TMEM192: variants seen among roughly 807,000 people sequenced by gnomAD.
TMEM192 encodes the protein transmembrane protein 192.
Under a neutral mutation model 26.7 loss-of-function variants are expected in TMEM192, and 20 were observed. The ratio of observed to expected loss-of-function variants is 0.75; its 90% CI spans 0.53 to 1.09. The LOEUF (loss-of-function observed/expected upper bound fraction) is 1.09. TMEM192 is among the 50% of genes least tolerant of loss of function. The pLI, the probability that TMEM192 is intolerant of heterozygous loss-of-function variation, is 0.00. For synonymous variants in TMEM192, 124 were observed against 121.0 expected, an observed-to-expected ratio of 1.02 and a Z score of -0.16; for missense variants, 304 against 322.6, an observed-to-expected ratio of 0.94 and a Z score of 0.44.
intron 3 of TMEM192, among the ~76,000 whole-genome samples, chr4:165,098,390 G>A (rs1734963399): frequency 6.6e-6 from 1 of 151,894 alleles, no homozygotes; most frequent in African/African-American, 2.4e-5. Context: ...CTCCCAAAGT[G>A]CTGGGATTAT....
chr4:165,103,645 A>G (rs890201823), intron 1 of TMEM192, among the ~76,000 whole-genome samples: 6 of 148,718 alleles, frequency 4.0e-5, no homozygotes, highest in African/African-American at 9.8e-5. Context: ...CTCCTGGGGT[A>G]GCTGGGATTA....
At chr4:165,106,463 G>A (rs901350702) in intron 1 of TMEM192, among the ~76,000 whole-genome samples, 22 of 152,196 alleles carry the variant, frequency 1.4e-4, no homozygotes, top group African/African-American at 4.8e-4. Flanking sequence ...TCGTCTGTGA[G>A]GAGCCAAACA....
chr4:165,106,433 G>A (rs1735159790), intron 1 of TMEM192, among the ~76,000 whole-genome samples: 1 of 152,150 alleles, frequency 6.6e-6, no homozygotes, highest in Admixed American at 6.6e-5. Context: ...AATATTAAGT[G>A]TCAAATGGAT....
chr4:165,090,692 G>T (rs1039271769), intron 3 of TMEM192, among the ~76,000 whole-genome samples: 5 of 151,572 alleles, frequency 3.3e-5, no homozygotes, highest in African/African-American at 7.3e-5. Flanking sequence ...ATCACTTGAG[G>T]TCAGGAGTTC....
intron 3 of TMEM192, among the ~76,000 whole-genome samples, chr4:165,093,830 C>A (rs1350752494): frequency 2.0e-5 from 3 of 152,196 alleles, no homozygotes; most frequent in African/African-American, 7.2e-5. Flanking sequence ...TCAAGCAATT[C>A]TTGGCCTCCC....
intron 4 of TMEM192, among the ~76,000 whole-genome samples, chr4:165,087,514 G>T (rs371311478): frequency 6.6e-6 from 1 of 152,186 alleles, no homozygotes; most frequent in Non-Finnish European, 1.5e-5. Flanking sequence ...ATGCAGGCTG[G>T]TATTGTTAAC....
In TMEM192 at chr4:165,102,930, C is replaced by T; in HGVS notation, c.174+20G>A. The T allele has an allele frequency of 6.2e-7, 1 of 1,603,220 alleles. No homozygotes were observed. The highest frequency in any genetic ancestry group is 8.5e-7 in the Non-Finnish European group (1 of 1,174,538). ...ACAAACATCACCTCTGGATAGGTCC[C>T]CTTCTTGCAGCCAACTTACATGAAT... On this transcript the variant is annotated intron_variant, in intron 2 of 5. Coordinates refer to ENST00000306480, the MANE Select transcript of TMEM192 (RefSeq NM_001100389.2).
chr4:165,080,615 T>A (rs1734498079), intron 5 of TMEM192, among the ~76,000 whole-genome samples: 1 of 152,156 alleles, frequency 6.6e-6, no homozygotes, highest in Non-Finnish European at 1.5e-5. Context: ...AAATATCACA[T>A]GGGAATGGTC....
rs1331508482 is a variant in TMEM192, at chr4:165,100,633, G to T, written c.434C>A (p.Ser145Tyr). ...TGAGAGAAAATTGGACATACCAGAG[G>T]ACTGTATCATCAACGCAAGTCTCTT... Reference protein sequence around the residue: ...HLKRLALMIQSSGNTVLLLIL... With the variant: ...HLKRLALMIQYSGNTVLLLIL... The change falls in exon 3 of 6, where the codon TCC becomes TAC. Residue 145 changes from serine to tyrosine, a missense_variant. Physicochemically the swap from Ser to Tyr is moderately radical, Grantham distance 144. Coordinates refer to ENST00000306480, the MANE Select transcript of TMEM192 (RefSeq NM_001100389.2). 1 of 1,614,088 alleles carries T rather than the reference G, an allele frequency of 6.2e-7. No homozygotes were observed. Among genetic ancestry groups the T allele is most frequent in the Admixed American group, 1.7e-5 (1 of 60,012 alleles).
rs549253343 is a variant in TMEM192 at position 165,090,702 on chromosome 4, C to T, written c.440-2100G>A. On this transcript the variant is annotated intron_variant, in intron 3 of 5. Transcript: ENST00000306480. ...GGTGGATCACTTGAGGTCAGGAGTT[C>T]GAGAGCAGCATGGCCAAGATGGCGA... Among the ~76,000 whole-genome samples the T allele has an allele frequency of 4.0e-4, 60 of 151,502 alleles. No individual in the cohort carries two copies. The South Asian group carries it at 6.3e-3, about 16-fold the overall frequency.
rs1734385847 is a variant in TMEM192, at chr4:165,076,519, T to C, written c.*3139A>G. On this transcript the variant is annotated 3_prime_UTR_variant, in exon 6 of 6. Coordinates refer to ENST00000306480, the MANE Select transcript of TMEM192 (RefSeq NM_001100389.2). The stretch of plus-strand genomic sequence containing the variant: ...TATACACAGTGCTTGTGATATTTTG[T>C]AGCTATTTGCCTTCCTACTTTACTC... 1.3e-5 allele frequency: 2 copies of C among 152,272 alleles called. No homozygotes were observed. Among genetic ancestry groups the C allele is most frequent in the Admixed American group, 6.5e-5 (1 of 15,280 alleles). 9.4% of individuals were successfully genotyped at this position (152,272 alleles called of 1,614,324 possible). A position where few individuals can be genotyped will look rare whatever the true frequency, so the allele number is the denominator to read the frequency against.
At position 165,075,571 on chromosome 4, in the gene TMEM192, G is replaced by C. The variant is rs1292288701; in HGVS notation, c.*4087C>G. 7.2e-6 allele frequency: 1 copy of C among 138,714 alleles called. No homozygotes were observed. 8.6% of individuals were successfully genotyped at this position (138,714 alleles called of 1,614,324 possible). On this transcript the variant is annotated 3_prime_UTR_variant, in exon 6 of 6. Transcript: ENST00000306480. ...GCCCAGCCGAAATACAAAATTTTTA[G>C]TATTTTTTTTTTTTTTTGAGATGGA...
chr4:165,106,073 A>C (rs932140687), intron 1 of TMEM192, among the ~76,000 whole-genome samples: 1 of 152,214 alleles, frequency 6.6e-6, no homozygotes, highest in Non-Finnish European at 1.5e-5. Context: ...TGGCTGCCTT[A>C]ATCTTGGACT....
chr4:165,108,252 A>G (rs1201426992), intron 1 of TMEM192, among the ~76,000 whole-genome samples: 1 of 150,242 alleles, frequency 6.7e-6, no homozygotes, highest in Admixed American at 6.7e-5. Context: ...CCTCCCAAGT[A>G]GCTGGGATAC....
At position 165,075,115 on chromosome 4, in the gene TMEM192, C is replaced by T. The variant is rs1403696251; in HGVS notation, c.*4543G>A. ...GGTATGGAGACCAGGTGAGCTGGCT[C>T]ATGCCTATAATCCCAGCATTTTGGG... On this transcript the variant is annotated 3_prime_UTR_variant, in exon 6 of 6. Transcript: ENST00000306480. The T allele has an allele frequency of 6.6e-6, 1 of 152,152 alleles. No homozygotes were observed. Among genetic ancestry groups the T allele is most frequent in the Non-Finnish European group, 1.5e-5 (1 of 68,054 alleles). The allele number at this position is 152,152 out of a possible 1,614,324, so 9.4% of individuals were successfully genotyped here. A position where few individuals can be genotyped will look rare whatever the true frequency, so the allele number is the denominator to read the frequency against.
In TMEM192 at chr4:165,100,711, C is replaced by G. The variant is rs764838151; in HGVS notation, c.356G>C (p.Ser119Thr). The part of the protein sequence containing the change: ...LLECYIQYHH[S>T]KIRNRGYNLI... ...GTTATAGCCTCGGTTTCTGATTTTGCTGTGGTGATACTGGATGTAGCATTC... is the reference window on the plus strand; with the variant it reads ...GTTATAGCCTCGGTTTCTGATTTTGGTGTGGTGATACTGGATGTAGCATTC... The change falls in exon 3 of 6, where the codon AGC becomes ACC. Residue 119 changes from serine (S) to threonine (T), a missense_variant. Coordinates refer to ENST00000306480, the MANE Select transcript of TMEM192 (RefSeq NM_001100389.2). 1 of 1,614,028 alleles carries G rather than the reference C, an allele frequency of 6.2e-7. No homozygotes were observed. Among genetic ancestry groups the G allele is most frequent in the South Asian group, 1.1e-5 (1 of 91,072 alleles).
chr4:165,093,539 C>T (rs1028021987), intron 3 of TMEM192, among the ~76,000 whole-genome samples: 2 of 152,144 alleles, frequency 1.3e-5, no homozygotes, highest in East Asian at 1.9e-4. Context: ...GAAAGCCATA[C>T]TGAAATAAAA....
Position 165,079,556 on chromosome 4 carries a change from T to C in TMEM192, c.*102A>G, listed in dbSNP as rs1734471040. On this transcript the variant is annotated 3_prime_UTR_variant, in exon 6 of 6. Transcript: ENST00000306480. ...GTTTCCAACAAACACTGTAAAATGC[T>C]ATTCAGCAAAAGCTGCAGTTCCCCG... The C allele has an allele frequency of 2.2e-6, 3 of 1,349,784 alleles. No individual in the cohort carries two copies. In the Admixed American group the frequency reaches 7.6e-5, roughly 34 times the overall value. The allele number at this position is 1,349,784 out of a possible 1,614,324, so 83.6% of individuals were successfully genotyped here. A position where few individuals can be genotyped will look rare whatever the true frequency, so the allele number is the denominator to read the frequency against.
intron 5 of TMEM192, among the ~76,000 whole-genome samples, chr4:165,084,615 A>C (rs1485284629): frequency 6.6e-6 from 1 of 151,636 alleles, no homozygotes; most frequent in Admixed American, 6.6e-5. Context: ...GATGAGAAGA[A>C]CCACAGACAT....
Sources: gnomAD v4.1 joint callset for allele counts (sites outside exome capture counted in the v4.1 genomes callset) on GRCh38, gnomAD v4.1.1 for gene constraint, MANE v1.5 for transcripts, NCBI Gene and HGNC (gene_info 2026-07-23, HGNC 2026-07-21) for gene names.